Variants in NEXMIF observed in about 807,000 individuals in gnomAD.
The protein encoded by NEXMIF is neurite extension and migration factor.
A neutral mutation model predicts 62.1 loss-of-function variants in NEXMIF; 8 were observed. That is an observed-to-expected ratio of 0.13 (90% CI 0.08 to 0.23). NEXMIF has a LOEUF of 0.23. Ranked by LOEUF, NEXMIF falls within the 10% of genes least tolerant of loss-of-function variation. The probability of loss-of-function intolerance (pLI) is 1.00; values close to 1 mark genes in which losing one functional copy is unlikely to be tolerated. For missense variants in NEXMIF, 976 were observed against 1,113.3 expected, an observed-to-expected ratio of 0.88 and a Z score of 1.75; for synonymous variants, 404 against 416.6, an observed-to-expected ratio of 0.97 and a Z score of 0.37.
chrX:74,895,919 A>C (rs1294394037), intron 1 of NEXMIF, among the ~76,000 whole-genome samples: 1 of 110,752 alleles, frequency 9.0e-6, no homozygotes, highest in Non-Finnish European at 1.9e-5. Flanking sequence ...CAAAGGACTT[A>C]GTTTTTCTCC....
At chrX:74,861,402 A>G (rs1209026231) in intron 1 of NEXMIF, among the ~76,000 whole-genome samples, 3 of 112,038 alleles carry the variant, frequency 2.7e-5, no homozygotes, top group Non-Finnish European at 5.6e-5. Flanking sequence ...GACAGAACGG[A>G]AATAAGTTGG....
chrX:74,796,687 A>T (rs1362000968), intron 1 of NEXMIF, among the ~76,000 whole-genome samples: 1 of 111,306 alleles, frequency 9.0e-6, no homozygotes, highest in African/African-American at 3.3e-5. Flanking sequence ...GTAACAAAAT[A>T]GATAAGGTAG....
chrX:74,842,503 C>T (rs1370757006), intron 1 of NEXMIF, among the ~76,000 whole-genome samples: 1 of 111,123 alleles, frequency 9.0e-6, no homozygotes, highest in Non-Finnish European at 1.9e-5. Flanking sequence ...TATTTCTTGT[C>T]TTCTGCGAGC....
intron 1 of NEXMIF, among the ~76,000 whole-genome samples, chrX:74,849,820 G>T (rs1169650741): frequency 8.9e-6 from 1 of 112,224 alleles, no homozygotes; most frequent in Non-Finnish European, 1.9e-5. Flanking sequence ...TACTGGTAGT[G>T]ACTCTGAGGA....
chrX:74,755,602 C>G (rs1358835623), intron 1 of NEXMIF, among the ~76,000 whole-genome samples: 1 of 111,693 alleles, frequency 9.0e-6, no homozygotes, highest in African/African-American at 3.3e-5. Flanking sequence ...TCTCTGATCA[C>G]TCCATGAAGA....
chrX:74,814,400 T>C, intron 1 of NEXMIF, among the ~76,000 whole-genome samples: 2 of 112,177 alleles, frequency 1.8e-5, no homozygotes, highest in Middle Eastern at 9.3e-3. Flanking sequence ...TAAGTCAACA[T>C]TCACAGTGCT....
In NEXMIF at chrX:74,885,233, A is replaced by G. The variant is rs921206331; in HGVS notation, c.-48+39650T>C. Among the ~76,000 whole-genome samples the G allele has an allele frequency of 5.4e-5, 6 of 111,451 alleles. No individual in the cohort carries two copies. In the South Asian group the frequency reaches 2.3e-3, roughly 42 times the overall value. On this transcript the variant is annotated intron_variant, in intron 1 of 3. Coordinates refer to ENST00000055682, the MANE Select transcript of NEXMIF (RefSeq NM_001008537.3). ...TTGACACTCTAGCATCACAATTAAAAGAACTAGAGAAGCAACAGCAAAAAA... is the reference window on the plus strand; with the variant it reads ...TTGACACTCTAGCATCACAATTAAAGGAACTAGAGAAGCAACAGCAAAAAA...
intron 1 of NEXMIF, among the ~76,000 whole-genome samples, chrX:74,862,227 TA>T (rs1173499661): frequency 2.7e-5 from 3 of 109,872 alleles, no homozygotes; most frequent in Admixed American, 9.7e-5. Flanking sequence ...ACGACAAAGA[TA>T]AAAAAAGACA....
chrX:74,834,134 CAAAAAA>C (rs60340857), intron 1 of NEXMIF, among the ~76,000 whole-genome samples: 2 of 53,217 alleles, frequency 3.8e-5, no homozygotes, highest in Admixed American at 2.4e-4. Context: ...AACTCCATCT[CAAAAAA>C]AAAAAAAAAA....
intron 1 of NEXMIF, among the ~76,000 whole-genome samples, chrX:74,791,514 C>G (rs955876822): frequency 4.5e-5 from 5 of 111,403 alleles, no homozygotes; most frequent in Non-Finnish European, 9.4e-5. Context: ...GGAGGATTCC[C>G]TCTTTTTCTA....
chrX:74,917,286 C>T (rs7887943), intron 1 of NEXMIF, among the ~76,000 whole-genome samples: 14,417 of 110,980 alleles, frequency 0.13, 1,580 homozygotes, highest in East Asian at 0.91. Flanking sequence ...CTTCCTCCTG[C>T]TCTGGCCATG....
intron 1 of NEXMIF, among the ~76,000 whole-genome samples, chrX:74,917,678 A>G (rs759892529): frequency 8.9e-6 from 1 of 111,783 alleles, no homozygotes; most frequent in South Asian, 3.8e-4. Flanking sequence ...CTCCATCACC[A>G]TACCTAATGA....
intron 1 of NEXMIF, among the ~76,000 whole-genome samples, chrX:74,854,968 A>G (rs892865035): frequency 8.9e-6 from 1 of 112,073 alleles, no homozygotes; most frequent in Non-Finnish European, 1.9e-5. Flanking sequence ...AGAAAAATTA[A>G]TATTTTTCCA....
At chrX:74,859,817 G>A (rs1226136781) in intron 1 of NEXMIF, among the ~76,000 whole-genome samples, 1 of 111,331 alleles carries the variant, frequency 9.0e-6, no homozygotes, top group Non-Finnish European at 1.9e-5. Context: ...GTTTGTTTAT[G>A]GAAACAATGC....
chrX:74,829,878 G>GTCTGT (rs2080430377), intron 1 of NEXMIF, among the ~76,000 whole-genome samples: 2 of 111,571 alleles, frequency 1.8e-5, no homozygotes, highest in African/African-American at 6.5e-5. Context: ...CAAATCTTCT[G>GTCTGT]TCAGTTTTTA....
At chrX:74,803,388 A>C (rs745850064) in intron 1 of NEXMIF, among the ~76,000 whole-genome samples, 31 of 110,154 alleles carry the variant, frequency 2.8e-4, no homozygotes, top group Non-Finnish European at 5.5e-4. Context: ...GTCTGTTCTA[A>C]AAATACAAAA....
At chrX:74,855,579 G>A (rs963459163) in intron 1 of NEXMIF, among the ~76,000 whole-genome samples, 3 of 111,765 alleles carry the variant, frequency 2.7e-5, no homozygotes, top group Non-Finnish European at 5.6e-5. Context: ...GCATGTGTAG[G>A]GCTGTGTTGT....
At position 74,742,548 on chromosome X, in the gene NEXMIF, C is replaced by A. The variant is rs773828643; in HGVS notation, c.2009G>T (p.Gly670Val). The stretch of plus-strand genomic sequence containing the variant: ...TGCTGACTTCAGTGTACCTTTTAGG[C>A]CTCCATCTTCTTTATGATTACTAGC... ...RHASNHKEDG[G>V]LKGTLKSAPL... Residue 670 changes from glycine to valine, a missense_variant, in exon 3 of 4, where the codon GGC becomes GTC. Gly to Val is a moderately radical substitution (Grantham distance 109). Transcript: ENST00000055682. 20 of 1,209,091 alleles carry A rather than the reference C, an allele frequency of 1.7e-5. No homozygotes were observed. In the East Asian group the frequency reaches 5.6e-4, roughly 34 times the overall value.
rs745422260 is a variant in NEXMIF at position 74,860,989 on chromosome X, G to C, written c.-48+63894C>G. 3.6e-5 allele frequency among the ~76,000 whole-genome samples: 4 copies of C among 111,703 alleles called. No individual in the cohort carries two copies. In the East Asian group the frequency reaches 8.4e-4, roughly 24 times the overall value. On this transcript the variant is annotated intron_variant, in intron 1 of 3. Coordinates refer to ENST00000055682, the MANE Select transcript of NEXMIF (RefSeq NM_001008537.3). ...GCTATTTGAAAAGATAAATGAAACT[G>C]ACAAACCTTTAGTTAGAATAACTCA... is the stretch of plus-strand genomic sequence containing the variant.
Sources: allele counts gnomAD v4.1 joint callset (sites outside exome capture counted in the v4.1 genomes callset), GRCh38; gene constraint gnomAD v4.1.1; transcripts MANE v1.5; gene names NCBI Gene and HGNC (gene_info 2026-07-23, HGNC 2026-07-21).